The following CAMTA1 variants were observed in gnomAD, a reference collection of about 807,000 sequenced individuals.
CAMTA1 encodes the protein calmodulin-binding transcription activator 1.
CAMTA1 carries 27 observed loss-of-function variants against 170.9 expected under a neutral mutation model. The ratio of observed to expected loss-of-function variants is 0.16; its 90% confidence interval spans 0.12 to 0.22. The LOEUF (loss-of-function observed/expected upper bound fraction) is 0.22, where lower values mean the gene tolerates loss of function less well. Ranked by LOEUF, CAMTA1 falls within the 10% of genes least tolerant of loss-of-function variation. The pLI is 1.00. For synonymous variants in CAMTA1, 833 were observed against 891.5 expected (o/e 0.93, Z 1.17); for missense variants, 1,619 against 2,217.2 (o/e 0.73, Z 5.42).
chr1:7,257,747 T>C (rs1038159892), intron 5 of CAMTA1, among the ~76,000 whole-genome samples: 6 of 152,136 alleles, frequency 3.9e-5, no homozygotes, highest in Non-Finnish European at 8.8e-5. Flanking sequence ...TATATTAAAA[T>C]ATTGTCCGTT....
intron 6 of CAMTA1, among the ~76,000 whole-genome samples, chr1:7,603,456 T>C (rs2095462458): frequency 6.6e-6 from 1 of 152,238 alleles, no homozygotes; most frequent in South Asian, 2.1e-4. Context: ...TTGTCTCTTT[T>C]GATCTTTGTT....
chr1:7,409,534 T>C (rs954384750), intron 5 of CAMTA1, among the ~76,000 whole-genome samples: 1 of 26,838 alleles, frequency 3.7e-5, no homozygotes, highest in African/African-American at 9.0e-5. Context: ...ACTTGCAGGC[T>C]CCCAAGGGCT....
intron 6 of CAMTA1, among the ~76,000 whole-genome samples, chr1:7,529,986 T>A (rs976052526): frequency 2.0e-5 from 3 of 152,216 alleles, no homozygotes; most frequent in Non-Finnish European, 4.4e-5. Context: ...GTGCCCAGCA[T>A]GCTCCCCTGC....
chr1:7,650,027 A>G (rs2095838467), intron 7 of CAMTA1, among the ~76,000 whole-genome samples: 1 of 152,042 alleles, frequency 6.6e-6, no homozygotes, highest in Non-Finnish European at 1.5e-5. Flanking sequence ...CTGCGGCGCT[A>G]CCTCCCCACA....
At chr1:7,001,035 C>T (rs974933044) in intron 3 of CAMTA1, among the ~76,000 whole-genome samples, 2 of 152,108 alleles carry the variant, frequency 1.3e-5, no homozygotes, top group Non-Finnish European at 2.9e-5. Context: ...TTATAATTGT[C>T]GTTATATTTT....
intron 5 of CAMTA1, among the ~76,000 whole-genome samples, chr1:7,425,900 A>G (rs902631980): frequency 5.3e-5 from 8 of 152,140 alleles, no homozygotes; most frequent in African/African-American, 1.7e-4. Flanking sequence ...CCCTGCCCCC[A>G]TAGCCACTGG....
intron 6 of CAMTA1, among the ~76,000 whole-genome samples, chr1:7,558,125 G>T (rs2094904746): frequency 6.6e-6 from 1 of 152,074 alleles, no homozygotes. Flanking sequence ...TCCCCTCCAG[G>T]CCCCTCGCTC....
At chr1:7,311,175 A>G (rs1350052184) in intron 5 of CAMTA1, among the ~76,000 whole-genome samples, 1 of 152,190 alleles carries the variant, frequency 6.6e-6, no homozygotes, top group Non-Finnish European at 1.5e-5. Context: ...GAAGTTTTTG[A>G]TGATTATTTA....
intron 6 of CAMTA1, among the ~76,000 whole-genome samples, chr1:7,628,532 T>G (rs1298600205): frequency 6.6e-6 from 1 of 152,234 alleles, no homozygotes; most frequent in African/African-American, 2.4e-5. Flanking sequence ...GTAGCACCTC[T>G]CAGTCCAGCA....
chr1:7,162,511 A>G (rs1295549439), intron 4 of CAMTA1, among the ~76,000 whole-genome samples: 2 of 152,088 alleles, frequency 1.3e-5, no homozygotes, highest in Admixed American at 6.5e-5. Context: ...TTCTGTTTCT[A>G]TTAGACTGAT....
intron 11 of CAMTA1, among the ~76,000 whole-genome samples, chr1:7,722,651 T>C (rs1470555733): frequency 6.6e-6 from 1 of 152,224 alleles, no homozygotes; most frequent in Non-Finnish European, 1.5e-5. Flanking sequence ...CTTATACTTT[T>C]GAGATACAGG....
chr1:7,217,802 T>C (rs932564712), intron 4 of CAMTA1, among the ~76,000 whole-genome samples: 4 of 152,208 alleles, frequency 2.6e-5, no homozygotes, highest in African/African-American at 9.6e-5. Flanking sequence ...TCTGGTTTTG[T>C]CTTTCCTTTT....
chr1:7,306,274 A>G (rs886885414), intron 5 of CAMTA1, among the ~76,000 whole-genome samples: 8 of 151,984 alleles, frequency 5.3e-5, no homozygotes, highest in Non-Finnish European at 1.0e-4. Flanking sequence ...TAGAGCTAGG[A>G]TCCATTCTGA....
At chr1:7,061,460 C>T (rs949309646) in intron 3 of CAMTA1, among the ~76,000 whole-genome samples, 4 of 152,184 alleles carry the variant, frequency 2.6e-5, no homozygotes, top group African/African-American at 9.7e-5. Context: ...GCGTCTGTGC[C>T]AGACCAGTTG....
intron 6 of CAMTA1, among the ~76,000 whole-genome samples, chr1:7,571,895 T>C (rs181294290): frequency 4.6e-5 from 7 of 152,314 alleles, no homozygotes; most frequent in Admixed American, 4.6e-4. Context: ...CTGTTATTAG[T>C]TCTTTGAGGA....
chr1:7,111,153 T>C (rs558860867), intron 4 of CAMTA1, among the ~76,000 whole-genome samples: 71 of 152,310 alleles, frequency 4.7e-4, no homozygotes, highest in Non-Finnish European at 8.8e-4. Context: ...GAGTCCCCCT[T>C]CTACTTCTAA....
intron 5 of CAMTA1, among the ~76,000 whole-genome samples, chr1:7,262,645 G>C (rs1668349268): frequency 6.6e-6 from 1 of 152,186 alleles, no homozygotes; most frequent in African/African-American, 2.4e-5. Flanking sequence ...AGCTGGTGGG[G>C]TTGCTCTGTT....
chr1:7,290,925 G>A (rs1480702749), intron 5 of CAMTA1, among the ~76,000 whole-genome samples: 1 of 152,032 alleles, frequency 6.6e-6, no homozygotes, highest in African/African-American at 2.4e-5. Flanking sequence ...GGCTCCTGGG[G>A]GGGTGAAGTG....
chr1:7,499,454 G>A (rs1353291634), intron 6 of CAMTA1, among the ~76,000 whole-genome samples: 1 of 116,068 alleles, frequency 8.6e-6, no homozygotes, highest in African/African-American at 3.6e-5. Context: ...GTATATGAGT[G>A]TGTGTGTGTG....
Sources: gnomAD v4.1 joint callset for allele counts (sites outside exome capture counted in the v4.1 genomes callset) on GRCh38, gnomAD v4.1.1 for gene constraint, MANE v1.5 for transcripts, NCBI Gene and HGNC (gene_info 2026-07-23, HGNC 2026-07-21) for gene names.